Variants in DLGAP2 observed in about 807,000 individuals in gnomAD.
DLGAP2 encodes DLG associated protein 2.
A neutral mutation model predicts 100.3 loss-of-function variants in DLGAP2; 26 were observed. That is an observed-to-expected ratio of 0.26 (90% confidence interval 0.19 to 0.36). The LOEUF (loss-of-function observed/expected upper bound fraction) is 0.36. Among genes scored for constraint, DLGAP2 ranks in the 10% least tolerant of loss-of-function variants. The pLI is 1.00. For synonymous variants in DLGAP2, 886 were observed against 630.1 expected (o/e 1.41, Z -6.08); for missense variants, 1,858 against 1,453.2 (o/e 1.28, Z -4.53).
chr8:1,325,459 C>G (rs1800999887), intron 3 of DLGAP2, among the ~76,000 whole-genome samples: 1 of 152,228 alleles, frequency 6.6e-6, no homozygotes. Context: ...AGTGAGCTTT[C>G]ACTGCCTCCC....
chr8:1,413,937 C>T (rs1796804974), intron 3 of DLGAP2, among the ~76,000 whole-genome samples: 1 of 152,058 alleles, frequency 6.6e-6, no homozygotes, highest in Non-Finnish European at 1.5e-5. Context: ...GAGCTCCAAA[C>T]TCATCGTAAG....
intron 3 of DLGAP2, among the ~76,000 whole-genome samples, chr8:1,387,764 C>T (rs1796253228): frequency 6.6e-6 from 1 of 152,120 alleles, no homozygotes; most frequent in Non-Finnish European, 1.5e-5. Context: ...CCAGATTTTT[C>T]TCAGGAACCA....
At chr8:1,531,530 T>C (rs1166638376) in intron 4 of DLGAP2, among the ~76,000 whole-genome samples, 1 of 152,204 alleles carries the variant, frequency 6.6e-6, no homozygotes, top group Non-Finnish European at 1.5e-5. Context: ...AAGGAAATGT[T>C]TTCTTATTTA....
intron 2 of DLGAP2, among the ~76,000 whole-genome samples, chr8:1,079,748 A>G (rs1234336269): frequency 6.6e-6 from 1 of 152,178 alleles, no homozygotes; most frequent in Non-Finnish European, 1.5e-5. Context: ...AATAGCAGCA[A>G]TCCAAGGCCG....
chr8:1,476,308 C>G (rs937340456), intron 3 of DLGAP2, among the ~76,000 whole-genome samples: 22 of 152,306 alleles, frequency 1.4e-4, no homozygotes, highest in Middle Eastern at 6.8e-3. Context: ...ACACATACAT[C>G]TACGTGAGAG....
intron 2 of DLGAP2, among the ~76,000 whole-genome samples, chr8:972,331 G>T (rs945121492): frequency 1.3e-5 from 2 of 152,192 alleles, no homozygotes; most frequent in Non-Finnish European, 2.9e-5. Context: ...ATAAGACCTA[G>T]ATATAGCAGA....
intron 2 of DLGAP2, among the ~76,000 whole-genome samples, chr8:1,166,571 C>G (rs1563226064): frequency 6.6e-6 from 1 of 152,110 alleles, no homozygotes; most frequent in South Asian, 2.1e-4. Context: ...AGAAATATCC[C>G]TGCAGGTTAA....
At chr8:1,505,757 C>G (rs945052686) in intron 4 of DLGAP2, among the ~76,000 whole-genome samples, 1 of 152,150 alleles carries the variant, frequency 6.6e-6, no homozygotes, top group Non-Finnish European at 1.5e-5. Flanking sequence ...AATTAAATTG[C>G]TCTCTTAATA....
intron 10 of DLGAP2, among the ~76,000 whole-genome samples, chr8:1,672,636 T>C (rs1217212318): frequency 6.6e-6 from 1 of 152,246 alleles, no homozygotes; most frequent in Non-Finnish European, 1.5e-5. Flanking sequence ...GTGATAAAAG[T>C]GTCTGCCTGA....
intron 3 of DLGAP2, among the ~76,000 whole-genome samples, chr8:1,482,093 A>C (rs1018389735): frequency 5.3e-5 from 8 of 152,224 alleles, no homozygotes; most frequent in African/African-American, 1.7e-4. Flanking sequence ...GAAAGCATCC[A>C]AGTGGCTGTG....
chr8:1,174,383 A>T (rs1230823464), intron 2 of DLGAP2, among the ~76,000 whole-genome samples: 1 of 151,796 alleles, frequency 6.6e-6, no homozygotes, highest in African/African-American at 2.4e-5. Flanking sequence ...CATTACCATT[A>T]CCACCATCAT....
chr8:1,626,915 G>A (rs1467604986), intron 7 of DLGAP2, 28 bp downstream of exon 7: 2 of 1,565,906 alleles, frequency 1.3e-6, no homozygotes, highest in Admixed American at 1.8e-5. Context: ...CTTTCTCCCT[G>A]GGGTCCAGTC....
chr8:1,256,865 A>G (rs1799233806), intron 2 of DLGAP2, among the ~76,000 whole-genome samples: 1 of 152,104 alleles, frequency 6.6e-6, no homozygotes, highest in African/African-American at 2.4e-5. Flanking sequence ...CCTGGGTAAC[A>G]GGAGCCCCGC....
intron 1 of DLGAP2, among the ~76,000 whole-genome samples, chr8:744,974 A>G (rs1035790454): frequency 1.3e-5 from 2 of 152,182 alleles, no homozygotes; most frequent in Admixed American, 1.3e-4. Flanking sequence ...GATGGCGGGA[A>G]GGGGTAGCCC....
intron 7 of DLGAP2, among the ~76,000 whole-genome samples, chr8:1,628,604 G>A (rs911005492): frequency 2.0e-5 from 3 of 150,138 alleles, no homozygotes; most frequent in Admixed American, 1.3e-4. Flanking sequence ...CTGACTTACT[G>A]TGGAGCAGGA....
rs1426512576 is a variant in DLGAP2 at position 1,287,586 on chromosome 8, C to G, written c.106+28703C>G. 6.4e-5 allele frequency among the ~76,000 whole-genome samples: 6 copies of G among 94,128 alleles called. No homozygotes were observed. In the South Asian group the frequency reaches 2.0e-3, roughly 32 times the overall value. The allele number at this position is 94,128 out of a possible 152,430, so 61.8% of individuals were successfully genotyped here. On this transcript the variant is annotated intron_variant, in intron 3 of 14. Coordinates refer to ENST00000637795, the MANE Select transcript of DLGAP2 (RefSeq NM_001346810.2). ...GTTCGGAGGGGAACTAGTTTTGGTT[C>G]AGCGTGTGTGTGTATGTGGTTCTGT...
At chr8:1,297,063 C>A (rs575729807) in intron 3 of DLGAP2, 1 of 152,430 alleles carries the variant, frequency 6.6e-6, no homozygotes, top group Non-Finnish European at 1.5e-5. Flanking sequence ...GAGCAGGTTC[C>A]CAGCACAGAG....
chr8:1,100,329 C>T (rs1428555050), intron 2 of DLGAP2, among the ~76,000 whole-genome samples: 1 of 152,046 alleles, frequency 6.6e-6, no homozygotes, highest in Admixed American at 6.5e-5. Context: ...TCCAGCATGT[C>T]CACAGTGTAC....
chr8:1,607,778 C>G (rs9720618), intron 6 of DLGAP2, among the ~76,000 whole-genome samples: 1 of 151,950 alleles, frequency 6.6e-6, no homozygotes, highest in Non-Finnish European at 1.5e-5. Flanking sequence ...AAAGGGGTGA[C>G]GGACGCACCT....
Sources: gnomAD v4.1 joint callset for allele counts (sites outside exome capture counted in the v4.1 genomes callset) on GRCh38, gnomAD v4.1.1 for gene constraint, MANE v1.5 for transcripts, NCBI Gene and HGNC (gene_info 2026-07-23, HGNC 2026-07-21) for gene names.